CDH18: variants seen among roughly 807,000 people sequenced by gnomAD.
CDH18 encodes cadherin-18.
Under a neutral mutation model 67.9 loss-of-function variants are expected in CDH18, and 31 were observed. That is an observed-to-expected ratio of 0.46 (90% CI 0.34 to 0.62). CDH18 has a LOEUF of 0.62. CDH18 is among the 20% of genes least tolerant of loss of function. CDH18 has a pLI of 0.01. For missense variants in CDH18, 890 were observed against 975.5 expected (o/e 0.91, Z 1.17); for synonymous variants, 362 against 347.2 (o/e 1.04, Z -0.48).
chr5:20,231,612 AAAAG>A (rs1366964671), intron 2 of CDH18, among the ~76,000 whole-genome samples: 1 of 145,722 alleles, frequency 6.9e-6, no homozygotes, highest in African/African-American at 2.5e-5. Flanking sequence ...AAAAGAAAAA[AAAAG>A]AAAAGAAAAG....
At chr5:19,749,689 T>C (rs1263758833) in intron 3 of CDH18, among the ~76,000 whole-genome samples, 2 of 150,998 alleles carry the variant, frequency 1.3e-5, no homozygotes, top group African/African-American at 2.4e-5. Context: ...ATTAAATATA[T>C]ATACTATACA....
chr5:20,062,400 C>G, intron 2 of CDH18, among the ~76,000 whole-genome samples: 1 of 151,970 alleles, frequency 6.6e-6, no homozygotes, highest in East Asian at 1.9e-4. Flanking sequence ...GTGATCCACC[C>G]ACCTCGACCT....
At chr5:20,044,565 C>G (rs1211114817) in intron 2 of CDH18, among the ~76,000 whole-genome samples, 1 of 152,040 alleles carries the variant, frequency 6.6e-6, no homozygotes, top group Non-Finnish European at 1.5e-5. Flanking sequence ...ACTTGTTAAC[C>G]CTTTCCAACA....
chr5:20,540,726 T>C (rs1323365298), intron 1 of CDH18, among the ~76,000 whole-genome samples: 4 of 152,176 alleles, frequency 2.6e-5, no homozygotes, highest in African/African-American at 9.7e-5. Flanking sequence ...ACTACGAATA[T>C]TTAGGATCAC....
chr5:19,889,770 G>A (rs1386584981), intron 2 of CDH18, among the ~76,000 whole-genome samples: 1 of 151,960 alleles, frequency 6.6e-6, no homozygotes, highest in Admixed American at 6.6e-5. Flanking sequence ...TATGGTCACA[G>A]CCAAAAAAAG....
intron 1 of CDH18, among the ~76,000 whole-genome samples, chr5:20,568,338 C>A (rs181622019): frequency 6.4e-4 from 97 of 152,088 alleles, no homozygotes; most frequent in African/African-American, 2.3e-3. Context: ...TTAGTATTCT[C>A]AGTGATAATG....
intron 5 of CDH18, among the ~76,000 whole-genome samples, chr5:19,719,161 A>C (rs1268581286): frequency 6.6e-6 from 1 of 152,086 alleles, no homozygotes; most frequent in Non-Finnish European, 1.5e-5. Flanking sequence ...TAAAAAGTGT[A>C]AAATAACTTT....
In CDH18 at chr5:19,591,235, T is replaced by G. The variant is rs565566548; in HGVS notation, c.821A>C (p.Gln274Pro). 4.3e-5 allele frequency: 69 copies of G among 1,596,772 alleles called. 2 individuals carry two copies. In the South Asian group the frequency reaches 7.1e-4, roughly 16 times the overall value. Residue 274 changes from glutamine (Q) to proline (P), a missense_variant, in exon 7 of 13, where the codon CAG (glutamine) becomes CCG (proline). By Grantham distance (76) the Gln-to-Pro change is moderately conservative. This residue lies in a region of CDH18 where 656 missense variants were observed against 668.1 expected (regional missense o/e 0.98). Coordinates refer to ENST00000382275, the MANE Select transcript of CDH18 (RefSeq NM_004934.5). The part of the protein sequence containing the change: ...NPPRFPQKHY[Q>P]LYVPESAQVG... Reference sequence around the variant, plus strand: ...TTGAGCTGACTCAGGAACATATAGCTGATAGTGTTCTGGAAGACATTTCAT... The same window carrying G: ...TTGAGCTGACTCAGGAACATATAGCGGATAGTGTTCTGGAAGACATTTCAT...
At chr5:20,485,302 C>G (rs917422659) in intron 1 of CDH18, among the ~76,000 whole-genome samples, 1 of 152,124 alleles carries the variant, frequency 6.6e-6, no homozygotes, top group Non-Finnish European at 1.5e-5. Flanking sequence ...ATACTGTAGG[C>G]TTTCCATTGA....
chr5:19,720,807 A>G (rs1286314267), intron 5 of CDH18, among the ~76,000 whole-genome samples: 3 of 152,176 alleles, frequency 2.0e-5, no homozygotes, highest in African/African-American at 4.8e-5. Context: ...TGGTAACACA[A>G]TATTTGAGGG....
intron 2 of CDH18, among the ~76,000 whole-genome samples, chr5:20,167,293 T>C (rs1736367406): frequency 1.3e-5 from 2 of 152,210 alleles, no homozygotes. Flanking sequence ...GCACAAAATA[T>C]ATCACATATT....
chr5:20,509,616 T>C (rs10941832), intron 1 of CDH18, among the ~76,000 whole-genome samples: 38 of 2,090 alleles, frequency 0.018, 1 homozygote, highest in African/African-American at 0.024. Flanking sequence ...CAGATGGGTT[T>C]CACCATGTTG....
chr5:19,511,410 G>A (rs1263211932), intron 10 of CDH18, among the ~76,000 whole-genome samples: 3 of 152,152 alleles, frequency 2.0e-5, no homozygotes, highest in Non-Finnish European at 4.4e-5. Context: ...AACTGGGTAA[G>A]AGGCAGAGGT....
chr5:20,287,850 A>G (rs913776125), intron 1 of CDH18, among the ~76,000 whole-genome samples: 3 of 151,814 alleles, frequency 2.0e-5, no homozygotes. Context: ...CACTCATGCC[A>G]TGGAATAATA....
At chr5:19,563,215 T>C (rs745356514) in intron 8 of CDH18, among the ~76,000 whole-genome samples, 9 of 152,186 alleles carry the variant, frequency 5.9e-5, no homozygotes, top group South Asian at 2.1e-4. Context: ...AGGGAGCATA[T>C]TGGGCTACAA....
intron 2 of CDH18, among the ~76,000 whole-genome samples, chr5:19,841,633 TAGA>T (rs1228934849): frequency 1.3e-5 from 2 of 151,386 alleles, no homozygotes; most frequent in Non-Finnish European, 2.9e-5. Context: ...GTTGAAGACA[TAGA>T]AGGTGTTGTT....
At chr5:20,216,839 T>G (rs1200849374) in intron 2 of CDH18, among the ~76,000 whole-genome samples, 1 of 151,702 alleles carries the variant, frequency 6.6e-6, no homozygotes, top group African/African-American at 2.4e-5. Context: ...TCGAACTCAA[T>G]ATGGTCAAAG....
intron 2 of CDH18, among the ~76,000 whole-genome samples, chr5:20,091,110 C>T (rs938238497): frequency 2.0e-5 from 3 of 151,080 alleles, no homozygotes; most frequent in African/African-American, 7.3e-5. Context: ...ATATTTATGA[C>T]CTTTAACATT....
intron 1 of CDH18, among the ~76,000 whole-genome samples, chr5:20,348,261 C>G (rs866752113): frequency 6.6e-6 from 1 of 152,038 alleles, no homozygotes; most frequent in East Asian, 1.9e-4. Flanking sequence ...TCATTAACAA[C>G]AAAGAGACAT....
Sources: gnomAD v4.1 joint callset for allele counts (sites outside exome capture counted in the v4.1 genomes callset) on GRCh38, gnomAD v4.1.1 for gene constraint, gnomAD v4.1.1 regional missense constraint, MANE v1.5 for transcripts, NCBI Gene and HGNC (gene_info 2026-07-23, HGNC 2026-07-21) for gene names.